The following STEAP1B variants were observed in gnomAD, a reference collection of about 807,000 sequenced individuals.
The protein encoded by STEAP1B is STEAP family member 1B, also known as STEAP family protein MGC87042.
Under a neutral mutation model 27.9 loss-of-function variants are expected in STEAP1B, and 13 were observed. The observed-to-expected ratio is 0.47, with a 90% CI of 0.30 to 0.74. STEAP1B has a LOEUF of 0.74. Ranked by LOEUF, STEAP1B falls within the 30% of genes least tolerant of loss-of-function variation. STEAP1B has a pLI of 0.06. For synonymous variants in STEAP1B, 86 were observed against 107.1 expected (o/e 0.80, Z 1.22); for missense variants, 250 against 298.7 (o/e 0.84, Z 1.20).
intron 4 of STEAP1B, among the ~76,000 whole-genome samples, chr7:22,469,253 TA>T (rs1785838954): frequency 6.6e-6 from 1 of 152,214 alleles, no homozygotes; most frequent in African/African-American, 2.4e-5. Context: ...ATTTAATATA[TA>T]AAAAAGCTTG....
In STEAP1B at chr7:22,454,865, ATT is replaced by A. The variant is rs367804282; in HGVS notation, c.763-35031_763-35030del. The stretch of plus-strand genomic sequence containing the variant: ...TATATATATGTATATATATATATAT[ATT>A]TTTTTTTTTTTTTGAGACAGAGTCT... On this transcript the variant is annotated intron_variant, in intron 4 of 4. Transcript: ENST00000678116. 7.9e-4 allele frequency among the ~76,000 whole-genome samples: 100 copies of A among 126,134 alleles called. 1 individual carries two copies. The highest frequency in any genetic ancestry group is 1.5e-3 in the African/African-American group (48 of 31,132). The allele number at this position is 126,134 out of a possible 152,430, so 82.7% of individuals were successfully genotyped here.
chr7:22,470,507 T>A (rs1785862622), intron 4 of STEAP1B, among the ~76,000 whole-genome samples: 1 of 152,092 alleles, frequency 6.6e-6, no homozygotes, highest in South Asian at 2.1e-4. Flanking sequence ...ACCACAGTAA[T>A]CGGCAGTAAT....
chr7:22,455,861 T>C (rs1042278211), intron 4 of STEAP1B, among the ~76,000 whole-genome samples: 1 of 152,208 alleles, frequency 6.6e-6, no homozygotes, highest in Non-Finnish European at 1.5e-5. Flanking sequence ...TTCAAGAATC[T>C]TCCTGGCCGG....
chr7:22,456,972 A>ATATATTTTTTTTTTTTTTTTTTTTTT, intron 4 of STEAP1B, among the ~76,000 whole-genome samples: 1 of 57,046 alleles, frequency 1.8e-5, no homozygotes, highest in South Asian at 1.0e-3. Flanking sequence ...ATATATATAT[A>ATATATTTTTTTTTTTTTTTTTTTTTT]TTTTTTTTTT....
intron 4 of STEAP1B, among the ~76,000 whole-genome samples, chr7:22,454,830 TA>T: frequency 2.4e-4 from 2 of 8,326 alleles, no homozygotes; most frequent in Non-Finnish European, 4.7e-4. Flanking sequence ...GAAAATATTA[TA>T]TATATATATA....
rs184541150 is a variant in STEAP1B, at chr7:22,430,387, T to C, written c.763-10551A>G. ...AATAGAACAACTATTCTCCTCCTTG[T>C]TACCACCAGGACTACCACAAGTGCA... On this transcript the variant is annotated intron_variant, in intron 4 of 4. Coordinates refer to ENST00000678116, the MANE Select transcript of STEAP1B (RefSeq NM_001382447.1). Among the ~76,000 whole-genome samples, 9 of 152,352 alleles carry C rather than the reference T, an allele frequency of 5.9e-5. No individual in the cohort carries two copies. In the East Asian group the frequency reaches 1.5e-3, roughly 26 times the overall value.
At chr7:22,492,511 T>C in intron 4 of STEAP1B, 54 bp downstream of exon 4, 26 of 1,510,946 alleles carry the variant, frequency 1.7e-5, no homozygotes, top group Non-Finnish European at 2.1e-5. Flanking sequence ...ATATTCTATA[T>C]CATAAACACA....
At chr7:22,420,890 A>G (rs1374223101) in intron 4 of STEAP1B, among the ~76,000 whole-genome samples, 1 of 152,260 alleles carries the variant, frequency 6.6e-6, no homozygotes, top group East Asian at 1.9e-4. Context: ...CAGAGAGAAT[A>G]GGGAAATTAT....
At chr7:22,424,869 A>C (rs1356957178) in intron 4 of STEAP1B, among the ~76,000 whole-genome samples, 1 of 146,106 alleles carries the variant, frequency 6.8e-6, no homozygotes, top group Non-Finnish European at 1.5e-5. Context: ...AAAGAAAAAA[A>C]ATCACCAGAG....
At chr7:22,470,930 C>CAA (rs1405201082) in intron 4 of STEAP1B, among the ~76,000 whole-genome samples, 1 of 151,994 alleles carries the variant, frequency 6.6e-6, no homozygotes, top group African/African-American at 2.4e-5. Context: ...CTTACTCTAG[C>CAA]AAAAGAAAAA....
chr7:22,465,576 G>C (rs1330536099), intron 4 of STEAP1B, among the ~76,000 whole-genome samples: 1 of 152,024 alleles, frequency 6.6e-6, no homozygotes, highest in African/African-American at 2.4e-5. Context: ...TTATTGTTAT[G>C]TACGATGTGA....
At chr7:22,442,998 G>A (rs116127824) in intron 4 of STEAP1B, among the ~76,000 whole-genome samples, 253 of 152,220 alleles carry the variant, frequency 1.7e-3, no homozygotes, top group African/African-American at 5.7e-3. Flanking sequence ...GCTCCAGCAC[G>A]CCCTGGGGAC....
In STEAP1B at chr7:22,430,169, T is replaced by C. The variant is rs377005829; in HGVS notation, c.763-10333A>G. ...ATATTGTATTTGAAAGTTTTAAAAA[T>C]ACAGTGGGTTGACCAAATAACTAAA... On this transcript the variant is annotated intron_variant, in intron 4 of 4. Transcript: ENST00000678116. Among the ~76,000 whole-genome samples the C allele has an allele frequency of 1.6e-4, 24 of 152,372 alleles. No individual in the cohort carries two copies. In the East Asian group the frequency reaches 3.5e-3, roughly 22 times the overall value.
chr7:22,468,178 T>C lies in STEAP1B; in HGVS notation c.762+24387A>G, dbSNP rs908386906. 4.6e-5 allele frequency among the ~76,000 whole-genome samples: 7 copies of C among 152,310 alleles called. 1 individual carries two copies. In the South Asian group the frequency reaches 1.5e-3, roughly 32 times the overall value. The stretch of plus-strand genomic sequence containing the variant: ...TAAGTATGTTCAAAATATTATATAT[T>C]TGGGATTATTTATACTAAAAAAATT... On this transcript the variant is annotated intron_variant, in intron 4 of 4. Transcript: ENST00000678116.
rs115819404 is a variant in STEAP1B at position 22,484,902 on chromosome 7, T to C, written c.762+7663A>G. Among the ~76,000 whole-genome samples, 1,283 of 152,338 alleles carry C rather than the reference T, an allele frequency of 8.4e-3. 21 individuals are homozygous for C. The highest frequency in any genetic ancestry group is 0.03 in the African/African-American group (1,233 of 41,590). On this transcript the variant is annotated intron_variant, in intron 4 of 4. Coordinates refer to ENST00000678116, the MANE Select transcript of STEAP1B (RefSeq NM_001382447.1). The stretch of plus-strand genomic sequence containing the variant: ...AGTGGAAAAAGTCAATGCAGATGTA[T>C]AGAAATAGCAGCAAGAGAACTGGAA...
chr7:22,474,283 T>C (rs1057496701), intron 4 of STEAP1B, among the ~76,000 whole-genome samples: 3 of 152,224 alleles, frequency 2.0e-5, no homozygotes, highest in Non-Finnish European at 4.4e-5. Flanking sequence ...GTGGTTCTCA[T>C]CCTCGGCTGC....
Position 22,494,886 on chromosome 7 carries a change from C to T in STEAP1B, c.-31G>A. 1 of 1,349,590 alleles carries T rather than the reference C, an allele frequency of 7.4e-7. No individual in the cohort carries two copies. Among genetic ancestry groups the T allele is most frequent in the Non-Finnish European group, 1.0e-6 (1 of 982,782 alleles). 83.6% of individuals were successfully genotyped at this position (1,349,590 alleles called of 1,614,324 possible). A position where few individuals can be genotyped will look rare whatever the true frequency, so the allele number is the denominator to read the frequency against. ...CTATAAAATAGTATGGCTTCAGCCA[C>T]CTGTAAAAATAAAAATAATTACTTT... On this transcript the variant is annotated splice_region_variant and 5_prime_UTR_variant, in exon 2 of 5. In the 5' UTR this introduces an upstream ATG that the reference lacks. Transcript: ENST00000678116.
At chr7:22,434,646 C>A (rs541035555) in intron 4 of STEAP1B, among the ~76,000 whole-genome samples, 2 of 152,218 alleles carry the variant, frequency 1.3e-5, no homozygotes, top group African/African-American at 4.8e-5. Flanking sequence ...GTTTTTGAGC[C>A]CTTTCTATGC....
intron 4 of STEAP1B, among the ~76,000 whole-genome samples, chr7:22,461,912 C>CT (rs370131241): frequency 7.3e-4 from 111 of 152,306 alleles, no homozygotes; most frequent in African/African-American, 2.6e-3. Flanking sequence ...GCCCACGTGA[C>CT]TGTTAGGATT....
Sources: gnomAD v4.1 joint callset for allele counts (sites outside exome capture counted in the v4.1 genomes callset) on GRCh38, gnomAD v4.1.1 for gene constraint, MANE v1.5 for transcripts, NCBI Gene and HGNC (gene_info 2026-07-23, HGNC 2026-07-21) for gene names.